Variants in OSBP2 observed in about 807,000 individuals in gnomAD.
The protein encoded by OSBP2 is oxysterol binding protein 2, also known as oxysterol-binding protein 2.
In OSBP2, 66 loss-of-function variants were observed where a neutral mutation model predicts 96.0. That is an observed-to-expected ratio of 0.69 (90% CI 0.56 to 0.84). OSBP2 has a LOEUF of 0.84. Among genes scored for constraint, OSBP2 ranks in the 40% least tolerant of loss-of-function variants. The pLI, the probability that OSBP2 is intolerant of heterozygous loss-of-function variation, is 0.00. For missense variants in OSBP2, 1,038 were observed against 1,222.7 expected, an observed-to-expected ratio of 0.85 and a Z score of 2.25; for synonymous variants, 525 against 520.9, an observed-to-expected ratio of 1.01 and a Z score of -0.11.
At position 30,906,078 on chromosome 22, in the gene OSBP2, G is replaced by A. The variant is rs2040328820; in HGVS notation, c.2608+9G>A. 2 of 1,571,792 alleles carry A rather than the reference G, an allele frequency of 1.3e-6. No homozygotes were observed. Among genetic ancestry groups the A allele is most frequent in the South Asian group, 1.2e-5 (1 of 86,222 alleles). On this transcript the variant is annotated intron_variant, in intron 13 of 13. Transcript: ENST00000332585. ...CTGCAGCTCGGAGGAAGGTGAGGCC[G>A]GGCGGGAAGGGCGCCCCGGAGGGGA... is the stretch of plus-strand genomic sequence containing the variant.
intron 2 of OSBP2, among the ~76,000 whole-genome samples, chr22:30,802,885 C>T (rs911165871): frequency 6.6e-6 from 1 of 152,004 alleles, no homozygotes; most frequent in African/African-American, 2.4e-5. Flanking sequence ...AGCGGGCGCA[C>T]GGCTCCTCTA....
chr22:30,708,787 C>G (rs2089298307), intron 1 of OSBP2, among the ~76,000 whole-genome samples: 1 of 151,138 alleles, frequency 6.6e-6, no homozygotes, highest in East Asian at 2.0e-4. Context: ...CCGTGCCCGG[C>G]CAAGGATAAG....
chr22:30,862,872 C>G (rs2039247428), intron 2 of OSBP2, among the ~76,000 whole-genome samples: 1 of 151,244 alleles, frequency 6.6e-6, no homozygotes, highest in East Asian at 1.9e-4. Flanking sequence ...ACTCGGGAGG[C>G]TGAGGCAGGA....
chr22:30,848,360 T>C (rs1489260341), intron 2 of OSBP2, among the ~76,000 whole-genome samples: 2 of 152,232 alleles, frequency 1.3e-5, no homozygotes, highest in African/African-American at 2.4e-5. Flanking sequence ...TGGTCATATG[T>C]ATATCTGTAT....
At chr22:30,768,955 G>A (rs1470455263) in intron 2 of OSBP2, among the ~76,000 whole-genome samples, 1 of 152,214 alleles carries the variant, frequency 6.6e-6, no homozygotes, top group African/African-American at 2.4e-5. Context: ...GGAGGGCCCC[G>A]GGGTCCAGAC....
intron 1 of OSBP2, among the ~76,000 whole-genome samples, chr22:30,707,579 A>T (rs2089274605): frequency 6.6e-6 from 1 of 151,094 alleles, no homozygotes; most frequent in Non-Finnish European, 1.5e-5. Flanking sequence ...TTAGCCGGGC[A>T]CGGTGGCGGG....
intron 4 of OSBP2, 147 bp downstream of exon 4, chr22:30,887,765 T>G (rs2039847187): frequency 1.5e-6 from 1 of 649,454 alleles, no homozygotes; most frequent in African/African-American, 1.8e-5. Context: ...CTTCGTGGTT[T>G]TGTATCTCCC....
chr22:30,704,957 C>T (rs117511515), intron 1 of OSBP2, among the ~76,000 whole-genome samples: 2,291 of 152,326 alleles, frequency 0.015, 30 homozygotes, highest in Middle Eastern at 0.044. Flanking sequence ...ACTCATTCCT[C>T]CTTGCAGACA....
chr22:30,726,598 TAACA>T (rs60508541), intron 1 of OSBP2, among the ~76,000 whole-genome samples: 18,840 of 151,934 alleles, frequency 0.12, 1,940 homozygotes, highest in East Asian at 0.39. Flanking sequence ...GATACCTGAG[TAACA>T]AACCTGCACG....
At chr22:30,733,543 T>C (rs34059826) in intron 1 of OSBP2, among the ~76,000 whole-genome samples, 10 of 152,264 alleles carry the variant, frequency 6.6e-5, no homozygotes, top group South Asian at 4.1e-4. Flanking sequence ...GGAAACCAGA[T>C]TGCATACTCT....
At chr22:30,767,435 T>G (rs2090289998) in intron 2 of OSBP2, among the ~76,000 whole-genome samples, 1 of 152,158 alleles carries the variant, frequency 6.6e-6, no homozygotes, top group Non-Finnish European at 1.5e-5. Flanking sequence ...CAGCCTTGTC[T>G]CTATGCCTCC....
chr22:30,874,618 G>A (rs1254347165), intron 3 of OSBP2, among the ~76,000 whole-genome samples: 1 of 152,140 alleles, frequency 6.6e-6, no homozygotes, highest in Non-Finnish European at 1.5e-5. Flanking sequence ...TCCTCGCAGG[G>A]CGCTGCAGCC....
At chr22:30,729,922 C>T (rs2089718869) in intron 1 of OSBP2, among the ~76,000 whole-genome samples, 1 of 151,984 alleles carries the variant, frequency 6.6e-6, no homozygotes, top group Admixed American at 6.6e-5. Flanking sequence ...TTCTAGCCTC[C>T]AGAAGTGTGA....
chr22:30,880,455 T>G (rs989339024), intron 3 of OSBP2, among the ~76,000 whole-genome samples: 22 of 152,294 alleles, frequency 1.4e-4, no homozygotes, highest in African/African-American at 5.3e-4. Context: ...GGAGCCAGTT[T>G]CCTAGCCTGG....
intron 2 of OSBP2, among the ~76,000 whole-genome samples, chr22:30,743,269 T>G (rs2089962614): frequency 6.6e-6 from 1 of 152,198 alleles, no homozygotes; most frequent in Non-Finnish European, 1.5e-5. Context: ...TCTCCCATGT[T>G]GGGGTCTGTC....
intron 2 of OSBP2, among the ~76,000 whole-genome samples, chr22:30,827,941 G>C (rs1419093592): frequency 6.6e-6 from 1 of 152,222 alleles, no homozygotes. Flanking sequence ...ACAGGCAGGA[G>C]TGGGGCCAGA....
At chr22:30,831,321 C>T (rs927122794) in intron 2 of OSBP2, among the ~76,000 whole-genome samples, 2 of 152,200 alleles carry the variant, frequency 1.3e-5, no homozygotes, top group African/African-American at 4.8e-5. Flanking sequence ...ATGAAGTGTC[C>T]TTACTAGTTC....
At chr22:30,822,468 G>C (rs963599673) in intron 2 of OSBP2, 35 of 1,287,094 alleles carry the variant, frequency 2.7e-5, no homozygotes, top group Non-Finnish European at 3.3e-5. Flanking sequence ...CATGTACCGG[G>C]TGGCGGGCGG....
intron 1 of OSBP2, among the ~76,000 whole-genome samples, chr22:30,735,792 G>A (rs1267597582): frequency 6.6e-6 from 1 of 151,906 alleles, no homozygotes; most frequent in South Asian, 2.1e-4. Context: ...GCATGATCTC[G>A]TCTCACTGCA....
Sources: allele counts gnomAD v4.1 joint callset (sites outside exome capture counted in the v4.1 genomes callset), GRCh38; gene constraint gnomAD v4.1.1; transcripts MANE v1.5; gene names NCBI Gene and HGNC (gene_info 2026-07-23, HGNC 2026-07-21).